Variants in GABBR2 observed in about 807,000 individuals in gnomAD.
GABBR2 encodes the protein gamma-aminobutyric acid type B receptor subunit 2, also known as G-protein coupled receptor 51.
GABBR2 carries 23 observed loss-of-function variants against 105.6 expected under a neutral mutation model. That is an observed-to-expected ratio of 0.22 (90% confidence interval 0.16 to 0.31). GABBR2 has a LOEUF of 0.31. GABBR2 is among the 10% of genes least tolerant of loss of function. The probability of loss-of-function intolerance (pLI) is 1.00; values close to 1 mark genes in which losing one functional copy is unlikely to be tolerated. For missense variants in GABBR2, 734 were observed against 1,245.5 expected, an observed-to-expected ratio of 0.59 and a Z score of 6.18; for synonymous variants, 478 against 499.7, an observed-to-expected ratio of 0.96 and a Z score of 0.58.
In GABBR2 at chr9:98,394,221, A is replaced by C; in HGVS notation, c.1332T>G (p.Ala444=). ...SREVKVGEYN[A]VADTLEIIND... is the part of the protein sequence containing the mutation. Reference sequence around the variant, plus strand: ...TGATGATCTCCAGTGTGTCGGCCACAGCGTTGTACTCTCCCACCTTCACCT... The same window carrying C: ...TGATGATCTCCAGTGTGTCGGCCACCGCGTTGTACTCTCCCACCTTCACCT... The change falls in exon 9 of 19, where the codon GCT becomes GCG. Residue 444 remains alanine (A), a synonymous_variant. Transcript: ENST00000259455. The C allele has an allele frequency of 6.2e-7, 1 of 1,613,992 alleles. No homozygotes were observed. The highest frequency in any genetic ancestry group is 8.5e-7 in the Non-Finnish European group (1 of 1,179,860).
At chr9:98,517,588 A>G (rs1017812924) in intron 3 of GABBR2, among the ~76,000 whole-genome samples, 2 of 152,234 alleles carry the variant, frequency 1.3e-5, no homozygotes, top group African/African-American at 4.8e-5. Context: ...TAAGTGAGGA[A>G]AGGAGTAAAG....
intron 1 of GABBR2, among the ~76,000 whole-genome samples, chr9:98,595,112 AC>A (rs1183274072): frequency 6.6e-6 from 1 of 152,062 alleles, no homozygotes; most frequent in Non-Finnish European, 1.5e-5. Context: ...CTTATTTCCC[AC>A]CGTTCTGGAG....
chr9:98,576,276 C>T (rs1173409419), intron 2 of GABBR2, among the ~76,000 whole-genome samples: 1 of 152,212 alleles, frequency 6.6e-6, no homozygotes, highest in Non-Finnish European at 1.5e-5. Flanking sequence ...CATGCTCCAG[C>T]CCCATTTCCC....
chr9:98,703,241 G>A (rs986692557), intron 1 of GABBR2, among the ~76,000 whole-genome samples: 17 of 152,302 alleles, frequency 1.1e-4, no homozygotes, highest in African/African-American at 3.8e-4. Flanking sequence ...TCAAAGCCAA[G>A]AGGCAGAGAG....
chr9:98,514,616 A>C (rs1827720689), intron 3 of GABBR2, among the ~76,000 whole-genome samples: 1 of 128,460 alleles, frequency 7.8e-6, no homozygotes, highest in African/African-American at 3.0e-5. Flanking sequence ...ACATGGACAC[A>C]GGAAGGGGAA....
intron 1 of GABBR2, among the ~76,000 whole-genome samples, chr9:98,599,987 T>G (rs1829301443): frequency 6.6e-6 from 1 of 151,656 alleles, no homozygotes. Flanking sequence ...ATGCGAAGAG[T>G]CAATTAAGAA....
chr9:98,307,705 GAAT>G (rs140318224), intron 14 of GABBR2, among the ~76,000 whole-genome samples: 25,001 of 151,774 alleles, frequency 0.16, 2,133 homozygotes, highest in Middle Eastern at 0.22. Context: ...TGTGGACTGG[GAAT>G]AATAATAATA....
chr9:98,567,337 A>G (rs988459281), intron 2 of GABBR2, among the ~76,000 whole-genome samples: 7 of 152,176 alleles, frequency 4.6e-5, no homozygotes, highest in African/African-American at 1.7e-4. Flanking sequence ...GCAGGAATAG[A>G]TTGGGAACCA....
intron 1 of GABBR2, among the ~76,000 whole-genome samples, chr9:98,613,092 C>A (rs1379633418): frequency 2.6e-5 from 4 of 152,136 alleles, no homozygotes; most frequent in Non-Finnish European, 4.4e-5. Context: ...CAGTTATTCA[C>A]CCCTTCCTAT....
chr9:98,539,915 AAAAAAAAAAAAAAAAAAG>A (rs1438845406), intron 3 of GABBR2, among the ~76,000 whole-genome samples: 1 of 83,738 alleles, frequency 1.2e-5, no homozygotes, highest in Non-Finnish European at 2.5e-5. Flanking sequence ...ACTTCGTCTA[AAAAAAAAAAAAAAAAAAG>A]AAAAAGAAAA....
At chr9:98,409,143 G>A (rs1832541233) in intron 7 of GABBR2, among the ~76,000 whole-genome samples, 1 of 152,246 alleles carries the variant, frequency 6.6e-6, no homozygotes, top group African/African-American at 2.4e-5. Context: ...AGTGAGGGAG[G>A]CAGGGTTGTG....
chr9:98,396,733 T>C (rs977591619), intron 8 of GABBR2, among the ~76,000 whole-genome samples: 3 of 152,154 alleles, frequency 2.0e-5, no homozygotes, highest in Non-Finnish European at 4.4e-5. Context: ...GCATGAAATA[T>C]GCAGGTTGAT....
At chr9:98,625,928 G>A (rs554706593) in intron 1 of GABBR2, among the ~76,000 whole-genome samples, 1 of 152,278 alleles carries the variant, frequency 6.6e-6, no homozygotes, top group African/African-American at 2.4e-5. Flanking sequence ...CACACCAAGT[G>A]CACCTGCCTT....
At chr9:98,312,995 C>G (rs1265485846) in intron 13 of GABBR2, among the ~76,000 whole-genome samples, 1 of 152,166 alleles carries the variant, frequency 6.6e-6, no homozygotes, top group Non-Finnish European at 1.5e-5. Flanking sequence ...GGTGATCTGC[C>G]CGTCTCCGCC....
chr9:98,528,824 AAACT>A (rs200047428), intron 3 of GABBR2, among the ~76,000 whole-genome samples: 5,835 of 152,272 alleles, frequency 0.038, 385 homozygotes, highest in African/African-American at 0.13. Context: ...TACTGCTATG[AAACT>A]CTAAATTGGC....
intron 12 of GABBR2, among the ~76,000 whole-genome samples, chr9:98,363,409 T>C (rs928913602): frequency 3.9e-5 from 6 of 152,202 alleles, no homozygotes; most frequent in Non-Finnish European, 7.3e-5. Context: ...AAGCAAATAT[T>C]GTTATTATTC....
intron 1 of GABBR2, among the ~76,000 whole-genome samples, chr9:98,591,558 A>C (rs564866146): frequency 2.6e-5 from 4 of 152,280 alleles, no homozygotes; most frequent in Admixed American, 6.5e-5. Flanking sequence ...AGGTGGGTGC[A>C]TTGGTCCAGG....
intron 2 of GABBR2, among the ~76,000 whole-genome samples, chr9:98,544,757 C>G (rs529057354): frequency 1.1e-4 from 17 of 152,256 alleles, no homozygotes; most frequent in African/African-American, 4.1e-4. Context: ...GACAGACATG[C>G]ACATTTTTCT....
intron 18 of GABBR2, 29 bp downstream of exon 18, chr9:98,293,756 G>C (rs376012351): frequency 8.3e-7 from 1 of 1,198,260 alleles, no homozygotes; most frequent in Non-Finnish European, 1.2e-6. Context: ...TTCTTCTTCA[G>C]TTATAATTCT....
Sources: gnomAD v4.1 joint callset for allele counts (sites outside exome capture counted in the v4.1 genomes callset) on GRCh38, gnomAD v4.1.1 for gene constraint, MANE v1.5 for transcripts, NCBI Gene and HGNC (gene_info 2026-07-23, HGNC 2026-07-21) for gene names.